ASGR1: variants seen among roughly 807,000 people sequenced by gnomAD.
ASGR1 encodes the protein C-type lectin domain family 4 member H1.
In ASGR1, 35 loss-of-function variants were observed where a neutral mutation model predicts 33.1. The ratio of observed to expected loss-of-function variants is 1.06; its 90% CI spans 0.81 to 1.40. The LOEUF (loss-of-function observed/expected upper bound fraction) is 1.40. Ranked by LOEUF, ASGR1 falls within the 40% of genes most tolerant of loss-of-function variation. The probability of loss-of-function intolerance (pLI) is 0.00; values close to 1 mark genes in which losing one functional copy is unlikely to be tolerated. For synonymous variants in ASGR1, 142 were observed against 152.5 expected, an observed-to-expected ratio of 0.93 and a Z score of 0.51; for missense variants, 396 against 373.7, an observed-to-expected ratio of 1.06 and a Z score of -0.49.
At position 7,173,900 on chromosome 17, in the gene ASGR1, A is replaced by C; in HGVS notation, c.701+61T>G. On this transcript the variant is annotated intron_variant, in intron 8 of 8. Transcript: ENST00000269299. This position sits in a 1 kb window ranked among gnomAD's most constrained non-coding sequence, Gnocchi z 4.7. ...GCAGGCGGGTCGCTCCAGACTCCTC[A>C]GCCCAGGGCCCCAGGGCGCGAAGGC... The C allele has an allele frequency of 6.2e-7, 1 of 1,610,690 alleles. No homozygotes were observed. The highest frequency in any genetic ancestry group is 8.5e-7 in the Non-Finnish European group (1 of 1,178,786).
intron 1 of ASGR1, 150 bp from the exon 2 acceptor site, chr17:7,178,738 CTT>C (rs573140945): frequency 0.033 from 2,960 of 89,496 alleles, 5 homozygotes; most frequent in South Asian, 0.051. Flanking sequence ...TTTTTCTTTT[CTT>C]TTTTTTTTTT....
At chr17:7,174,117 C>T (rs1037188062) in intron 7 of ASGR1, 21 bp downstream of exon 7, 7 of 1,613,946 alleles carry the variant, frequency 4.3e-6, no homozygotes, top group Non-Finnish European at 5.9e-6. Flanking sequence ...AGCCAGCCTC[C>T]CAGACCCTCC....
chr17:7,179,115 C>G (rs2142772547), intron 1 of ASGR1, 75 bp downstream of exon 1: 1 of 152,866 alleles, frequency 6.5e-6, no homozygotes, highest in Non-Finnish European at 1.5e-5. Context: ...ACCCAGCACC[C>G]CCCAACACAC....
rs559767615 is a variant in ASGR1, at chr17:7,176,291, TCA to T, written c.355+537_355+538del. Among the ~76,000 whole-genome samples the T allele has an allele frequency of 1.6e-3, 211 of 130,378 alleles. 2 individuals are homozygous for T. The East Asian group carries it at 0.021, about 13-fold the overall frequency. 85.5% of individuals were successfully genotyped at this position (130,378 alleles called of 152,430 possible). A position where few individuals can be genotyped will look rare whatever the true frequency, so the allele number is the denominator to read the frequency against. On this transcript the variant is annotated intron_variant, in intron 5 of 8. Transcript: ENST00000269299. ...CTCACTCACACACCCCATCTCATTC[TCA>T]CACTCACAGACTCACACTCAGACAC...
At chr17:7,176,469 ACTGT>A (rs1436578093) in intron 5 of ASGR1, 31 of 372,212 alleles carry the variant, frequency 8.3e-5, no homozygotes, top group Middle Eastern at 8.1e-4. Context: ...ATTCCCACAG[ACTGT>A]CTCACACACA....
chr17:7,174,353 G>C (rs368755766), intron 6 of ASGR1, 21 bp downstream of exon 6: 1,176 of 1,613,786 alleles, frequency 7.3e-4, no homozygotes, highest in Non-Finnish European at 9.0e-4. Context: ...GGCAGAGAGC[G>C]GGCCGGGCTG....
At chr17:7,176,341 C>A (rs2069207372) in intron 5 of ASGR1, among the ~76,000 whole-genome samples, 1 of 150,074 alleles carries the variant, frequency 6.7e-6, no homozygotes, top group Non-Finnish European at 1.5e-5. Flanking sequence ...TTCTCACACT[C>A]TCACACTCAC....
chr17:7,177,617 C>T (rs931151215), intron 2 of ASGR1: 3 of 332,370 alleles, frequency 9.0e-6, no homozygotes, highest in Admixed American at 4.4e-5. Context: ...CCAGGAACCT[C>T]AGTCCACCCC....
rs529523137 is a variant in ASGR1 at position 7,176,562 on chromosome 17, C to T, written c.355+268G>A. 2.1e-5 allele frequency: 12 copies of T among 566,960 alleles called. No individual in the cohort carries two copies. In the South Asian group the frequency reaches 2.4e-4, roughly 12 times the overall value. The allele number at this position is 566,960 out of a possible 1,614,324, so 35.1% of individuals were successfully genotyped here. The stretch of plus-strand genomic sequence containing the variant: ...ACCATCTCATTCTCACACACACACA[C>T]CTCATTCTCACACACAGACTCACAC... On this transcript the variant is annotated intron_variant, in intron 5 of 8. Coordinates refer to ENST00000269299, the MANE Select transcript of ASGR1 (RefSeq NM_001671.5).
intron 5 of ASGR1, among the ~76,000 whole-genome samples, chr17:7,176,100 T>TC (rs1017932199): frequency 7.3e-6 from 1 of 136,920 alleles, no homozygotes; most frequent in Non-Finnish European, 1.6e-5. Flanking sequence ...TCACACACAC[T>TC]CCCTCTCATT....
chr17:7,177,050 C>G lies in ASGR1; in HGVS notation c.214G>C (p.Gly72Arg). The change falls in exon 4 of 9, where the codon GGC (glycine) becomes CGC (arginine). Residue 72 changes from glycine to arginine, a missense_variant. Coordinates refer to ENST00000269299, the MANE Select transcript of ASGR1 (RefSeq NM_001671.5). ...QNSQLQEELR[G>R]LRETFSNFTA... ...AAGTTGCTGAACGTCTCTCTCAGGC[C>G]CCGCAGCTCCTCCTGCAGCTGGGAG... The G allele has an allele frequency of 6.2e-7, 1 of 1,613,682 alleles. No individual in the cohort carries two copies. The highest frequency in any genetic ancestry group is 1.3e-5 in the African/African-American group (1 of 74,964).
chr17:7,174,331 G>C, intron 6 of ASGR1, 42 bp from the exon 7 acceptor site: 2 of 1,613,808 alleles, frequency 1.2e-6, no homozygotes, highest in South Asian at 1.1e-5. Context: ...GCGCTGCCCA[G>C]AGAAGGGGGG....
chr17:7,173,751 C>A lies in ASGR1; in HGVS notation c.784G>T (p.Gly262Cys). ...TGGCAGACGTCGTCGTTCCAGCGGC[C>A]GTCGTCGGTGAAGTGGGCACAGTCC... The part of the protein sequence containing the change: ...GEDCAHFTDD[G>C]RWNDDVCQRP... Residue 262 changes from glycine to cysteine, a missense_variant, in exon 9 of 9, where the codon GGC (glycine) becomes TGC (cysteine). Transcript: ENST00000269299. The surrounding 1 kb of genome is among the most constrained non-coding windows in gnomAD (Gnocchi z 4.7). 1 of 1,613,670 alleles carries A rather than the reference C, an allele frequency of 6.2e-7. No individual in the cohort carries two copies. Among genetic ancestry groups the A allele is most frequent in the East Asian group, 2.2e-5 (1 of 44,880 alleles).
chr17:7,174,534 C>A, intron 5 of ASGR1, 74 bp from the exon 6 acceptor site: 1 of 1,479,074 alleles, frequency 6.8e-7, no homozygotes, highest in Non-Finnish European at 9.2e-7. Flanking sequence ...ACGAGGTCAG[C>A]CCTACATCCT....
At position 7,174,240 on chromosome 17, in the gene ASGR1, G is replaced by C; in HGVS notation, c.492C>G (p.Ser164Arg). 1 of 1,614,160 alleles carries C rather than the reference G, an allele frequency of 6.2e-7. No individual in the cohort carries two copies. The highest frequency in any genetic ancestry group is 8.5e-7 in the Non-Finnish European group (1 of 1,179,978). ...TCCCGGAGCGAGAGAACCAGTAGCA[G>C]CTGCGCTCGTGCTCCACCCAGTTGA... ...CPVNWVEHERSCYWFSRSGKA... is the reference protein window; with the variant it reads ...CPVNWVEHERRCYWFSRSGKA... Residue 164 changes from serine to arginine, a missense_variant, in exon 7 of 9, where the codon AGC becomes AGG. Coordinates refer to ENST00000269299, the MANE Select transcript of ASGR1 (RefSeq NM_001671.5).
At position 7,177,192 on chromosome 17, in the gene ASGR1, C is replaced by T. The variant is rs1266581516; in HGVS notation, c.187+18G>A. 1 of 1,613,388 alleles carries T rather than the reference C, an allele frequency of 6.2e-7. No homozygotes were observed. On this transcript the variant is annotated intron_variant, in intron 3 of 8. Coordinates refer to ENST00000269299, the MANE Select transcript of ASGR1 (RefSeq NM_001671.5). ...ACACCCCCCAATGTTGCCCCCTTCC[C>T]ACCCCTGGGGCACCCACTTTGGGAT...
intron 5 of ASGR1, among the ~76,000 whole-genome samples, chr17:7,175,850 TCACACA>T (rs140795886): frequency 3.0e-5 from 4 of 133,422 alleles, no homozygotes; most frequent in Admixed American, 2.1e-4. Context: ...CATCTCATTC[TCACACA>T]CACTCCCACT....
chr17:7,177,495 T>G, intron 2 of ASGR1, 169 bp from the exon 3 acceptor site: 1 of 586,156 alleles, frequency 1.7e-6, no homozygotes, highest in Non-Finnish European at 3.0e-6. Flanking sequence ...CAACTGGAAA[T>G]CGGGGAGAAA....
chr17:7,178,742 T>C (rs1336841161), intron 1 of ASGR1, 154 bp from the exon 2 acceptor site: 35 of 471,874 alleles, frequency 7.4e-5, no homozygotes, highest in African/African-American at 2.3e-4. Flanking sequence ...TCTTTTCTTT[T>C]TTTTTTTTTT....
Sources: gnomAD v4.1 joint callset for allele counts (sites outside exome capture counted in the v4.1 genomes callset) on GRCh38, gnomAD v4.1.1 for gene constraint, Gnocchi (gnomAD v3.1) non-coding constraint, MANE v1.5 for transcripts, NCBI Gene and HGNC (gene_info 2026-07-23, HGNC 2026-07-21) for gene names.